Variants in NLGN1 observed in about 807,000 individuals in gnomAD.
The protein encoded by NLGN1 is neuroligin-1.
NLGN1 carries 12 observed loss-of-function variants against 65.5 expected under a neutral mutation model. The ratio of observed to expected loss-of-function variants is 0.18; its 90% confidence interval spans 0.12 to 0.30. The LOEUF is 0.30. Among genes scored for constraint, NLGN1 ranks in the 10% least tolerant of loss-of-function variants. NLGN1 has a pLI of 1.00. For synonymous variants in NLGN1, 350 were observed against 359.5 expected, an observed-to-expected ratio of 0.97 and a Z score of 0.30; for missense variants, 750 against 1,007.1, an observed-to-expected ratio of 0.74 and a Z score of 3.46.
chr3:174,001,520 C>A (rs1723284120), intron 4 of NLGN1, among the ~76,000 whole-genome samples: 1 of 152,108 alleles, frequency 6.6e-6, no homozygotes, highest in Non-Finnish European at 1.5e-5. Flanking sequence ...AGATCAGTAA[C>A]TAAAAGTCTA....
intron 4 of NLGN1, among the ~76,000 whole-genome samples, chr3:173,835,963 C>G (rs943566243): frequency 6.6e-6 from 1 of 152,078 alleles, no homozygotes; most frequent in East Asian, 1.9e-4. Flanking sequence ...GTAAGGTTGA[C>G]AAGGAAAGTA....
chr3:173,557,820 A>C (rs1400468910), intron 2 of NLGN1, among the ~76,000 whole-genome samples: 1 of 152,118 alleles, frequency 6.6e-6, no homozygotes, highest in African/African-American at 2.4e-5. Flanking sequence ...TTAAAAAAGT[A>C]TTTTATATTT....
At chr3:173,524,297 T>C (rs6795095) in intron 2 of NLGN1, among the ~76,000 whole-genome samples, 7,537 of 152,186 alleles carry the variant, frequency 0.05, 234 homozygotes, top group Middle Eastern at 0.17. Flanking sequence ...GTTAGCTATA[T>C]TCCTAGATAT....
intron 3 of NLGN1, among the ~76,000 whole-genome samples, chr3:173,651,892 A>C (rs1418099466): frequency 6.6e-6 from 1 of 152,130 alleles, no homozygotes; most frequent in Non-Finnish European, 1.5e-5. Context: ...TCCTGGGTTC[A>C]AGCGATTCTC....
chr3:173,694,546 A>G (rs190088579), intron 3 of NLGN1, among the ~76,000 whole-genome samples: 213 of 152,306 alleles, frequency 1.4e-3, no homozygotes, highest in Non-Finnish European at 2.3e-3. Context: ...GCAAAACTGA[A>G]TAAGATTTTG....
intron 4 of NLGN1, among the ~76,000 whole-genome samples, chr3:174,206,247 C>G (rs1735376521): frequency 6.6e-6 from 1 of 152,060 alleles, no homozygotes. Context: ...CCTGAGGAGG[C>G]ATTGTGTTCC....
intron 3 of NLGN1, among the ~76,000 whole-genome samples, chr3:173,700,840 G>C (rs59635297): frequency 6.6e-6 from 1 of 152,108 alleles, no homozygotes; most frequent in African/African-American, 2.4e-5. Flanking sequence ...AAAAGTGCCA[G>C]AAAGGCCGGG....
At position 174,008,704 on chromosome 3, in the gene NLGN1, G is replaced by A. The variant is rs182890105; in HGVS notation, c.646+200872G>A. Reference sequence around the variant, plus strand: ...GAGAAGTGCACATTAATGTATGGCAGGAAGATCAGGAACACAGGGCCCCAG... The same window carrying A: ...GAGAAGTGCACATTAATGTATGGCAAGAAGATCAGGAACACAGGGCCCCAG... On this transcript the variant is annotated intron_variant, in intron 4 of 6. Coordinates refer to ENST00000457714, the Ensembl canonical transcript of NLGN1. 7.9e-5 allele frequency among the ~76,000 whole-genome samples: 12 copies of A among 152,094 alleles called. No individual in the cohort carries two copies. The South Asian group carries it at 2.5e-3, about 32-fold the overall frequency.
At chr3:174,067,540 G>T (rs75547296) in intron 4 of NLGN1, among the ~76,000 whole-genome samples, 1 of 152,094 alleles carries the variant, frequency 6.6e-6, no homozygotes, top group Admixed American at 6.6e-5. Context: ...GTCAGATGAA[G>T]TCTTAACTGC....
chr3:174,125,631 T>G (rs1577004553), intron 4 of NLGN1, among the ~76,000 whole-genome samples: 1 of 151,898 alleles, frequency 6.6e-6, no homozygotes, highest in Non-Finnish European at 1.5e-5. Context: ...CAAAGAGAGG[T>G]CAAAGTCTGA....
intron 2 of NLGN1, among the ~76,000 whole-genome samples, chr3:173,588,159 T>C (rs975215559): frequency 6.6e-6 from 1 of 152,172 alleles, no homozygotes; most frequent in East Asian, 1.9e-4. Flanking sequence ...CATTGAAAAA[T>C]ATCAAATTTG....
At chr3:173,845,544 T>G (rs948540980) in intron 4 of NLGN1, among the ~76,000 whole-genome samples, 1 of 151,996 alleles carries the variant, frequency 6.6e-6, no homozygotes, top group Non-Finnish European at 1.5e-5. Context: ...AATTTTTACT[T>G]AAGATAGATG....
At chr3:173,691,431 A>G (rs1765450115) in intron 3 of NLGN1, among the ~76,000 whole-genome samples, 1 of 152,104 alleles carries the variant, frequency 6.6e-6, no homozygotes, top group African/African-American at 2.4e-5. Context: ...TCTAAAATAC[A>G]GTTTTGTTCA....
At chr3:173,909,314 T>G (rs1365605716) in intron 4 of NLGN1, among the ~76,000 whole-genome samples, 3 of 151,222 alleles carry the variant, frequency 2.0e-5, no homozygotes, top group Admixed American at 6.6e-5. Context: ...CCATCTTTTT[T>G]ATGATAAATT....
chr3:173,746,875 C>T (rs1477419618), intron 3 of NLGN1, among the ~76,000 whole-genome samples: 1 of 151,574 alleles, frequency 6.6e-6, no homozygotes, highest in Non-Finnish European at 1.5e-5. Flanking sequence ...AGATCTTCTC[C>T]CTACTAAAAG....
chr3:174,270,255 C>T (rs1368401074), intron 4 of NLGN1, among the ~76,000 whole-genome samples: 3 of 143,626 alleles, frequency 2.1e-5, no homozygotes, highest in Non-Finnish European at 4.5e-5. Flanking sequence ...TCCTGAAATT[C>T]TTAATCTATA....
intron 4 of NLGN1, among the ~76,000 whole-genome samples, chr3:173,814,290 G>A (rs990185650): frequency 1.3e-5 from 2 of 152,254 alleles, no homozygotes; most frequent in Non-Finnish European, 2.9e-5. Context: ...ACAATTTAGA[G>A]CAATGGATGG....
chr3:173,476,959 A>C (rs1409018992), intron 2 of NLGN1, among the ~76,000 whole-genome samples: 1 of 152,164 alleles, frequency 6.6e-6, no homozygotes, highest in Admixed American at 6.6e-5. Flanking sequence ...TGATGGCGAC[A>C]CTGATTAAGA....
chr3:173,395,985 G>A (rs1487684504), upstream of NLGN1, among the ~76,000 whole-genome samples: 3 of 152,090 alleles, frequency 2.0e-5, no homozygotes, highest in East Asian at 5.8e-4. Context: ...ACGGAGTGAG[G>A]GGAGAGGGAG....
Sources: gnomAD v4.1 joint callset for allele counts (sites outside exome capture counted in the v4.1 genomes callset) on GRCh38, gnomAD v4.1.1 for gene constraint, MANE v1.5 for transcripts, NCBI Gene and HGNC (gene_info 2026-07-23, HGNC 2026-07-21) for gene names.